KCNAB1: variants seen among roughly 807,000 people sequenced by gnomAD.
KCNAB1 encodes the protein potassium voltage-gated channel subfamily A regulatory beta subunit 1.
In KCNAB1, 35 loss-of-function variants were observed where a neutral mutation model predicts 64.6. That is an observed-to-expected ratio of 0.54 (90% confidence interval 0.41 to 0.72). KCNAB1 has a LOEUF of 0.72. Among genes scored for constraint, KCNAB1 ranks in the 30% least tolerant of loss-of-function variants. The pLI is 0.00. For synonymous variants in KCNAB1, 177 were observed against 183.8 expected, an observed-to-expected ratio of 0.96 and a Z score of 0.30; for missense variants, 401 against 512.9, an observed-to-expected ratio of 0.78 and a Z score of 2.11.
At chr3:156,333,984 C>G (rs1723516573) in intron 1 of KCNAB1, among the ~76,000 whole-genome samples, 1 of 152,028 alleles carries the variant, frequency 6.6e-6, no homozygotes, top group South Asian at 2.1e-4. Context: ...AGGCAGAAAA[C>G]AAATGATATT....
chr3:156,332,422 C>T (rs528127502), intron 1 of KCNAB1, among the ~76,000 whole-genome samples: 1 of 152,112 alleles, frequency 6.6e-6, no homozygotes, highest in South Asian at 2.1e-4. Context: ...TCAATTGTAC[C>T]GTATTTACCC....
chr3:156,273,433 T>C, intron 1 of KCNAB1: 1 of 368,398 alleles, frequency 2.7e-6, no homozygotes, highest in Non-Finnish European at 5.5e-6. Context: ...AGGCCTGGTC[T>C]AAATGCTCCT....
chr3:156,516,414 GA>G (rs1166692293), intron 11 of KCNAB1, 50 bp downstream of exon 11: 1 of 1,346,086 alleles, frequency 7.4e-7, no homozygotes, highest in Admixed American at 1.7e-5. Flanking sequence ...AAGGAGGGAA[GA>G]AGGTTGGTAA....
chr3:156,535,980 T>G (rs990138773), intron 13 of KCNAB1, among the ~76,000 whole-genome samples: 1 of 152,192 alleles, frequency 6.6e-6, no homozygotes, highest in Non-Finnish European at 1.5e-5. Flanking sequence ...TATCCTGTTC[T>G]TAGCATCCCC....
At chr3:156,411,435 C>A (rs1169439752) in intron 1 of KCNAB1, among the ~76,000 whole-genome samples, 2 of 151,762 alleles carry the variant, frequency 1.3e-5, no homozygotes, top group African/African-American at 4.8e-5. Context: ...TTTGTCAAGC[C>A]CAAAGTCACA....
At chr3:156,285,230 C>G (rs1720030642) in intron 1 of KCNAB1, among the ~76,000 whole-genome samples, 1 of 152,144 alleles carries the variant, frequency 6.6e-6, no homozygotes, top group Non-Finnish European at 1.5e-5. Context: ...TTCCACTTAT[C>G]TTTGAAAACA....
chr3:156,372,233 T>TA (rs1417442921), intron 1 of KCNAB1, among the ~76,000 whole-genome samples: 2 of 152,178 alleles, frequency 1.3e-5, no homozygotes, highest in Non-Finnish European at 2.9e-5. Flanking sequence ...GAGTAATACA[T>TA]TGAATAGTAG....
At chr3:156,212,067 A>G (rs1319985614) in intron 1 of KCNAB1, among the ~76,000 whole-genome samples, 2 of 152,154 alleles carry the variant, frequency 1.3e-5, no homozygotes, top group Admixed American at 6.5e-5. Flanking sequence ...GAAGCCTTGT[A>G]AGGGAACTTC....
intron 2 of KCNAB1, chr3:156,441,029 C>A (rs1044143152): frequency 5.3e-5 from 8 of 152,010 alleles, no homozygotes; most frequent in African/African-American, 1.9e-4. Context: ...TAATGATATT[C>A]AATACTCTAA....
intron 5 of KCNAB1, among the ~76,000 whole-genome samples, chr3:156,461,802 T>C (rs2054618579): frequency 6.6e-6 from 1 of 152,230 alleles, no homozygotes; most frequent in Non-Finnish European, 1.5e-5. Flanking sequence ...ACAAACTGCC[T>C]TTCATTCTTG....
At chr3:156,173,119 T>C (rs1252964990) in intron 1 of KCNAB1, among the ~76,000 whole-genome samples, 1 of 152,218 alleles carries the variant, frequency 6.6e-6, no homozygotes, top group Admixed American at 6.5e-5. Flanking sequence ...GAATGTCGGA[T>C]GCCTCAAGTC....
chr3:156,176,842 A>C (rs1712410543), intron 1 of KCNAB1: 1 of 1,032,460 alleles, frequency 9.7e-7, no homozygotes, highest in South Asian at 1.3e-5. Flanking sequence ...CCCAACAGCA[A>C]CTCATGCCGC....
At chr3:156,393,176 C>T (rs1382864581) in intron 1 of KCNAB1, among the ~76,000 whole-genome samples, 4 of 152,176 alleles carry the variant, frequency 2.6e-5, no homozygotes, top group African/African-American at 7.2e-5. Context: ...CCAGAACAGA[C>T]TTGCGCCAGG....
At chr3:156,222,524 A>G (rs1173841021) in intron 1 of KCNAB1, among the ~76,000 whole-genome samples, 2 of 152,202 alleles carry the variant, frequency 1.3e-5, no homozygotes, top group African/African-American at 4.8e-5. Context: ...GGTCATCAAG[A>G]CAGAAAGTCA....
At chr3:156,158,183 T>TA (rs1167178327) in intron 1 of KCNAB1, among the ~76,000 whole-genome samples, 2 of 31,978 alleles carry the variant, frequency 6.3e-5, no homozygotes, top group African/African-American at 8.8e-5. Context: ...AAATAAAAAA[T>TA]AAATAAATAA....
chr3:156,354,049 G>A lies in KCNAB1; in HGVS notation c.276-67567G>A, dbSNP rs11709250. On this transcript the variant is annotated intron_variant, in intron 1 of 13. Coordinates refer to ENST00000490337, the MANE Select transcript of KCNAB1 (RefSeq NM_172160.3). Reference sequence around the variant, plus strand: ...TCATAATGTGTGTGTGTATATATATGTGTGTGTGTGTGTGTGTGTGTGTGT... The same window carrying A: ...TCATAATGTGTGTGTGTATATATATATGTGTGTGTGTGTGTGTGTGTGTGT... 4.2e-3 allele frequency among the ~76,000 whole-genome samples: 316 copies of A among 75,532 alleles called. 4 individuals carry two copies. Among genetic ancestry groups the A allele is most frequent in the African/African-American group, 0.029 (299 of 10,402 alleles). 49.6% of individuals were successfully genotyped at this position (75,532 alleles called of 152,430 possible). A position where few individuals can be genotyped will look rare whatever the true frequency, so the allele number is the denominator to read the frequency against.
intron 1 of KCNAB1, chr3:156,143,160 T>G: frequency 6.4e-7 from 1 of 1,568,938 alleles, no homozygotes; most frequent in Non-Finnish European, 8.6e-7. Flanking sequence ...TTAGCTTTGC[T>G]TCCTTGGGTT....
intron 1 of KCNAB1, among the ~76,000 whole-genome samples, chr3:156,361,121 C>A (rs537944825): frequency 6.6e-6 from 1 of 152,322 alleles, no homozygotes; most frequent in African/African-American, 2.4e-5. Flanking sequence ...TCTGACACTT[C>A]AATTCCCCAG....
chr3:156,215,020 G>T (rs1715231406), intron 1 of KCNAB1, among the ~76,000 whole-genome samples: 1 of 152,180 alleles, frequency 6.6e-6, no homozygotes, highest in Admixed American at 6.5e-5. Flanking sequence ...TTGTTAAACA[G>T]ATAATCATAA....
Sources: gnomAD v4.1 joint callset for allele counts (sites outside exome capture counted in the v4.1 genomes callset) on GRCh38, gnomAD v4.1.1 for gene constraint, MANE v1.5 for transcripts, NCBI Gene and HGNC (gene_info 2026-07-23, HGNC 2026-07-21) for gene names.